Variants in MAF observed in about 807,000 individuals in gnomAD.
MAF encodes the protein transcription factor Maf.
Under a neutral mutation model 22.0 loss-of-function variants are expected in MAF, and 10 were observed. The observed-to-expected ratio is 0.45, with a 90% confidence interval of 0.28 to 0.77. The LOEUF is 0.77. Among genes scored for constraint, MAF ranks in the 30% least tolerant of loss-of-function variants. The probability of loss-of-function intolerance (pLI) is 0.12; values close to 1 mark genes in which losing one functional copy is unlikely to be tolerated. For synonymous variants in MAF, 337 were observed against 255.8 expected, an observed-to-expected ratio of 1.32 and a Z score of -3.03; for missense variants, 544 against 548.4, an observed-to-expected ratio of 0.99 and a Z score of 0.08.
chr16:79,447,074 G>GA, the MAF span, among the ~76,000 whole-genome samples: 1 of 52,014 alleles, frequency 1.9e-5, no homozygotes, highest in Non-Finnish European at 5.4e-5. Flanking sequence ...ACATACATGA[G>GA]CAAAATTATT....
the MAF span, among the ~76,000 whole-genome samples, chr16:79,577,082 T>A: frequency 6.6e-6 from 1 of 152,152 alleles, no homozygotes; most frequent in Admixed American, 6.5e-5. Context: ...AAGGACACTC[T>A]CTTTTTCAGT....
chr16:79,449,121 C>A, the MAF span, among the ~76,000 whole-genome samples: 4 of 152,318 alleles, frequency 2.6e-5, no homozygotes, highest in African/African-American at 9.6e-5. Context: ...AGACTCCTGG[C>A]ATGCACAGTT....
the MAF span, among the ~76,000 whole-genome samples, chr16:79,526,355 A>G: frequency 6.6e-6 from 1 of 152,278 alleles, no homozygotes; most frequent in Non-Finnish European, 1.5e-5. Flanking sequence ...TCGTGCACCT[A>G]TGAGAATCTG....
the MAF span, among the ~76,000 whole-genome samples, chr16:79,516,873 C>A: frequency 6.6e-6 from 1 of 152,120 alleles, no homozygotes; most frequent in Non-Finnish European, 1.5e-5. Flanking sequence ...AGCAGCTAGA[C>A]CTTCAACTAC....
chr16:79,459,242 A>G, the MAF span, among the ~76,000 whole-genome samples: 1 of 152,184 alleles, frequency 6.6e-6, no homozygotes, highest in Non-Finnish European at 1.5e-5. Flanking sequence ...ATTAGAAGAA[A>G]GCAAAAAACA....
At chr16:79,273,429 C>A in the MAF span, among the ~76,000 whole-genome samples, 1 of 152,164 alleles carries the variant, frequency 6.6e-6, no homozygotes, top group East Asian at 1.9e-4. Flanking sequence ...AACAAATTAC[C>A]ACAAACTTGG....
chr16:79,377,801 T>C, the MAF span, among the ~76,000 whole-genome samples: 2 of 152,336 alleles, frequency 1.3e-5, no homozygotes, highest in East Asian at 3.9e-4. Flanking sequence ...TCCCCATTTC[T>C]TGTTTTTGTC....
the MAF span, among the ~76,000 whole-genome samples, chr16:79,439,074 C>A: frequency 6.6e-6 from 1 of 152,070 alleles, no homozygotes; most frequent in African/African-American, 2.4e-5. Context: ...GAGGCAGAGG[C>A]AGGGATTGAG....
chr16:79,464,381 T>C, the MAF span, among the ~76,000 whole-genome samples: 1 of 152,090 alleles, frequency 6.6e-6, no homozygotes, highest in Non-Finnish European at 1.5e-5. Flanking sequence ...ACAGTAGCCG[T>C]GAAGACATAG....
the MAF span, among the ~76,000 whole-genome samples, chr16:79,234,818 G>A: frequency 6.6e-6 from 1 of 152,096 alleles, no homozygotes; most frequent in African/African-American, 2.4e-5. Context: ...TCAGCCACCT[G>A]AGTCTCTTGA....
chr16:79,403,088 G>A, the MAF span, among the ~76,000 whole-genome samples: 6 of 152,288 alleles, frequency 3.9e-5, no homozygotes, highest in Admixed American at 3.9e-4. Flanking sequence ...TCACCTGCAT[G>A]CCAGTTCTCT....
At chr16:79,306,266 G>A in the MAF span, among the ~76,000 whole-genome samples, 1 of 152,190 alleles carries the variant, frequency 6.6e-6, no homozygotes, top group South Asian at 2.1e-4. Flanking sequence ...TGATGCACAT[G>A]GCCATTTTCC....
the MAF span, among the ~76,000 whole-genome samples, chr16:79,430,648 G>C: frequency 6.6e-6 from 1 of 152,210 alleles, no homozygotes; most frequent in African/African-American, 2.4e-5. Flanking sequence ...TTGGTGGAGA[G>C]GAAGCCTGGC....
the MAF span, among the ~76,000 whole-genome samples, chr16:79,357,641 G>C: frequency 2.6e-5 from 4 of 152,056 alleles, no homozygotes; most frequent in East Asian, 5.8e-4. Flanking sequence ...CATGTGGGTT[G>C]GGACCATGGC....
chr16:79,212,225 A>G, the MAF span: 1 of 1,398,264 alleles, frequency 7.2e-7, no homozygotes, highest in African/African-American at 1.5e-5. Flanking sequence ...GCAAGTGTTC[A>G]CTGCTCCTTG....
intron 1 of MAF, among the ~76,000 whole-genome samples, chr16:79,587,034 G>T (rs952426071): frequency 6.6e-6 from 1 of 152,198 alleles, no homozygotes; most frequent in Non-Finnish European, 1.5e-5. Context: ...TGCTGTAACA[G>T]AACATATAAT....
downstream of MAF, among the ~76,000 whole-genome samples, chr16:79,582,169 C>A (rs1389045098): frequency 6.6e-6 from 1 of 152,020 alleles, no homozygotes; most frequent in Non-Finnish European, 1.5e-5. Context: ...CAGGAGAAGC[C>A]AAAACTGCAG....
At chr16:79,414,515 C>A in the MAF span, among the ~76,000 whole-genome samples, 2 of 152,168 alleles carry the variant, frequency 1.3e-5, no homozygotes, top group East Asian at 1.9e-4. Flanking sequence ...CTCCAGGACC[C>A]AAACACCTGT....
chr16:79,399,059 T>C, the MAF span, among the ~76,000 whole-genome samples: 11 of 152,304 alleles, frequency 7.2e-5, no homozygotes, highest in African/African-American at 2.6e-4. Flanking sequence ...AGGCACTCAG[T>C]AGACAGACAA....
Sources: allele counts gnomAD v4.1 joint callset (sites outside exome capture counted in the v4.1 genomes callset), GRCh38; gene constraint gnomAD v4.1.1; transcripts MANE v1.5; gene names NCBI Gene and HGNC (gene_info 2026-07-23, HGNC 2026-07-21).